Variants in ALK observed in about 807,000 individuals in gnomAD.
ALK encodes ALK tyrosine kinase receptor.
Under a neutral mutation model 163.1 loss-of-function variants are expected in ALK, and 74 were observed. The observed-to-expected ratio is 0.45, with a 90% CI of 0.38 to 0.55. The LOEUF (loss-of-function observed/expected upper bound fraction) is 0.55, where lower values mean the gene tolerates loss of function less well. ALK is among the 20% of genes least tolerant of loss of function. The pLI, the probability that ALK is intolerant of heterozygous loss-of-function variation, is 0.00. For synonymous variants in ALK, 960 were observed against 843.2 expected (o/e 1.14, Z -2.40); for missense variants, 2,063 against 2,105.3 (o/e 0.98, Z 0.39).
In ALK at chr2:29,249,732, T is replaced by C. The variant is rs991988275; in HGVS notation, c.2204+1373A>G. On this transcript the variant is annotated intron_variant, in intron 12 of 28. Coordinates refer to ENST00000389048, the MANE Select transcript of ALK (RefSeq NM_004304.5). ...CTTAGCAAGCATTCCTCTCCTCCTC[T>C]CCAGGAGTCCTTTCCTCCCCGCCCT... is the stretch of plus-strand genomic sequence containing the variant. Among the ~76,000 whole-genome samples, 5 of 152,254 alleles carry C rather than the reference T, an allele frequency of 3.3e-5. No homozygotes were observed. The East Asian group carries it at 9.7e-4, about 29-fold the overall frequency.
intron 5 of ALK, among the ~76,000 whole-genome samples, chr2:29,369,691 C>A (rs1668596067): frequency 6.6e-6 from 1 of 152,056 alleles, no homozygotes; most frequent in Non-Finnish European, 1.5e-5. Context: ...AATAGACAAG[C>A]AAAAAGACAA....
intron 4 of ALK, among the ~76,000 whole-genome samples, chr2:29,443,410 C>T (rs750665511): frequency 6.6e-6 from 1 of 152,218 alleles, no homozygotes; most frequent in Non-Finnish European, 1.5e-5. Flanking sequence ...AGCTGTTCTG[C>T]TGCCGCCCAG....
At chr2:29,310,192 G>T (rs376761977) in intron 8 of ALK, among the ~76,000 whole-genome samples, 2 of 152,292 alleles carry the variant, frequency 1.3e-5, no homozygotes, top group East Asian at 3.9e-4. Context: ...TTTGGTTGGG[G>T]AGTTGGGCAG....
intron 13 of ALK, among the ~76,000 whole-genome samples, chr2:29,236,947 C>G (rs75786679): frequency 0.076 from 11,578 of 152,196 alleles, 554 homozygotes; most frequent in Non-Finnish European, 0.11. Context: ...TCTACCAGGC[C>G]TCTACAACTC....
intron 1 of ALK, among the ~76,000 whole-genome samples, chr2:29,884,171 A>T (rs1013967406): frequency 2.0e-5 from 3 of 152,314 alleles, no homozygotes; most frequent in Non-Finnish European, 4.4e-5. Flanking sequence ...TAAAATCTTC[A>T]TGTTAAAAAA....
At chr2:29,220,093 A>C (rs1669760390) in intron 23 of ALK, among the ~76,000 whole-genome samples, 1 of 152,156 alleles carries the variant, frequency 6.6e-6, no homozygotes. Context: ...GATCCAGGCT[A>C]TAGAATGTGG....
chr2:29,431,384 A>G (rs987878318), intron 4 of ALK, among the ~76,000 whole-genome samples: 24 of 152,196 alleles, frequency 1.6e-4, no homozygotes, highest in Non-Finnish European at 2.9e-4. Context: ...GGAGATGGGA[A>G]TCAATCCTCT....
At chr2:29,756,623 C>A (rs1312620894) in intron 1 of ALK, among the ~76,000 whole-genome samples, 1 of 151,076 alleles carries the variant, frequency 6.6e-6, no homozygotes, top group Non-Finnish European at 1.5e-5. Context: ...ATCTCTGCCT[C>A]CCGGCAGATT....
intron 12 of ALK, among the ~76,000 whole-genome samples, chr2:29,241,520 G>A (rs1488532266): frequency 6.6e-6 from 1 of 151,908 alleles, no homozygotes; most frequent in Non-Finnish European, 1.5e-5. Flanking sequence ...GTGGGGTGTG[G>A]TGATGGGGTG....
intron 4 of ALK, among the ~76,000 whole-genome samples, chr2:29,449,040 T>A (rs1187913906): frequency 6.6e-6 from 1 of 152,200 alleles, no homozygotes; most frequent in Non-Finnish European, 1.5e-5. Flanking sequence ...TCATCCAGTA[T>A]TGCACAAAGG....
At chr2:29,377,082 G>A (rs772345578) in intron 5 of ALK, among the ~76,000 whole-genome samples, 2 of 152,152 alleles carry the variant, frequency 1.3e-5, no homozygotes, top group Non-Finnish European at 1.5e-5. Flanking sequence ...CTTGTGCTAA[G>A]CCCTAATTTT....
chr2:29,426,640 C>A (rs1225973455), intron 4 of ALK, among the ~76,000 whole-genome samples: 1 of 152,022 alleles, frequency 6.6e-6, no homozygotes, highest in African/African-American at 2.4e-5. Flanking sequence ...AATTAGACAC[C>A]CCCTACCCAC....
chr2:29,322,118 C>T (rs1667073806), intron 6 of ALK, among the ~76,000 whole-genome samples: 1 of 152,236 alleles, frequency 6.6e-6, no homozygotes, highest in African/African-American at 2.4e-5. Context: ...CCTGTGTCTC[C>T]ATGTGGGAGG....
chr2:29,622,247 G>T (rs576119120), intron 3 of ALK, among the ~76,000 whole-genome samples: 10 of 152,266 alleles, frequency 6.6e-5, no homozygotes, highest in African/African-American at 2.4e-4. Context: ...CAGTGTATTA[G>T]CCTGTTTTCA....
chr2:29,383,980 C>G, intron 4 of ALK, 121 bp from the exon 5 acceptor site: 1 of 1,246,820 alleles, frequency 8.0e-7, no homozygotes, highest in Non-Finnish European at 1.2e-6. Flanking sequence ...TCATGGGCAC[C>G]AAGAGATGGG....
intron 2 of ALK, among the ~76,000 whole-genome samples, chr2:29,703,577 G>T (rs1315836918): frequency 6.6e-6 from 1 of 152,180 alleles, no homozygotes; most frequent in East Asian, 1.9e-4. Context: ...AATTCCCAAA[G>T]CACATTGGCT....
At chr2:29,375,087 A>G (rs1668723572) in intron 5 of ALK, among the ~76,000 whole-genome samples, 1 of 152,162 alleles carries the variant, frequency 6.6e-6, no homozygotes. Context: ...AGGAGGCCTC[A>G]GAGGAGCCAG....
At chr2:29,771,309 T>C (rs1192974587) in intron 1 of ALK, among the ~76,000 whole-genome samples, 2 of 152,010 alleles carry the variant, frequency 1.3e-5, no homozygotes, top group Non-Finnish European at 2.9e-5. Context: ...GCAAGACAAA[T>C]GAAATAAACT....
At chr2:29,692,099 A>T (rs1678416250) in intron 3 of ALK, among the ~76,000 whole-genome samples, 1 of 152,248 alleles carries the variant, frequency 6.6e-6, no homozygotes, top group African/African-American at 2.4e-5. Context: ...GCTATGCCTC[A>T]GAATCATCCA....
Sources: gnomAD v4.1 joint callset for allele counts (sites outside exome capture counted in the v4.1 genomes callset) on GRCh38, gnomAD v4.1.1 for gene constraint, MANE v1.5 for transcripts, NCBI Gene and HGNC (gene_info 2026-07-23, HGNC 2026-07-21) for gene names.